KCNN2: variants seen among roughly 807,000 people sequenced by gnomAD.
The protein encoded by KCNN2 is potassium calcium-activated channel subfamily N member 2.
KCNN2 carries 24 observed loss-of-function variants against 55.5 expected under a neutral mutation model. The ratio of observed to expected loss-of-function variants is 0.43; its 90% CI spans 0.31 to 0.61. KCNN2 has a LOEUF of 0.61. Among genes scored for constraint, KCNN2 ranks in the 20% least tolerant of loss-of-function variants. The probability of loss-of-function intolerance (pLI) is 0.08; values close to 1 mark genes in which losing one functional copy is unlikely to be tolerated. For synonymous variants in KCNN2, 431 were observed against 336.1 expected (o/e 1.28, Z -3.09); for missense variants, 754 against 853.6 (o/e 0.88, Z 1.45).
intron 2 of KCNN2, among the ~76,000 whole-genome samples, chr5:114,386,392 G>A (rs574745880): frequency 1.3e-5 from 2 of 151,942 alleles, no homozygotes; most frequent in African/African-American, 4.8e-5. Context: ...GATATAAGCA[G>A]AAAAAACAAT....
chr5:114,072,725 A>G lies in KCNN2; in HGVS notation c.-271+16225A>G, dbSNP rs566759636. On this transcript the variant is annotated intron_variant, in intron 1 of 10. Coordinates refer to the KCNN2 transcript ENST00000512097. ...TAAACCGCTTGGGTTCCAATCCTGG[A>G]TCTACCACTAACTGGCCTTTTGGAC... Among the ~76,000 whole-genome samples the G allele has an allele frequency of 2.6e-5, 4 of 152,290 alleles. No individual in the cohort carries two copies. In the East Asian group the frequency reaches 7.7e-4, roughly 29 times the overall value.
chr5:114,303,666 G>C (rs1756212265), intron 2 of KCNN2, among the ~76,000 whole-genome samples: 1 of 152,060 alleles, frequency 6.6e-6, no homozygotes, highest in South Asian at 2.1e-4. Flanking sequence ...CATTGCAGTA[G>C]GTCCAGTAGC....
At chr5:114,210,236 C>G (rs1753855101) in intron 1 of KCNN2, among the ~76,000 whole-genome samples, 1 of 152,084 alleles carries the variant, frequency 6.6e-6, no homozygotes. Flanking sequence ...AAGCTTCATT[C>G]AGGCATGAGT....
At chr5:114,394,245 G>T (rs1758547249) in intron 2 of KCNN2, among the ~76,000 whole-genome samples, 1 of 152,074 alleles carries the variant, frequency 6.6e-6, no homozygotes, top group Admixed American at 6.6e-5. Context: ...GATTGAGGTT[G>T]GGCATTTGTT....
chr5:114,084,667 A>T (rs1750974872), intron 1 of KCNN2, among the ~76,000 whole-genome samples: 1 of 152,034 alleles, frequency 6.6e-6, no homozygotes, highest in Non-Finnish European at 1.5e-5. Flanking sequence ...TTTTAATTTT[A>T]ATGAAGTGCT....
intron 1 of KCNN2, among the ~76,000 whole-genome samples, chr5:114,210,267 T>C (rs913335584): frequency 2.0e-5 from 3 of 152,138 alleles, no homozygotes; most frequent in Non-Finnish European, 4.4e-5. Context: ...TTTTCTTGAG[T>C]TTAATGTTAA....
intron 1 of KCNN2, among the ~76,000 whole-genome samples, chr5:114,106,135 A>G (rs751844871): frequency 6.6e-6 from 1 of 151,806 alleles, no homozygotes; most frequent in Admixed American, 6.6e-5. Flanking sequence ...TGTACCCAAA[A>G]TCTGGTTTCT....
chr5:114,240,769 A>G (rs923113990), intron 2 of KCNN2, among the ~76,000 whole-genome samples: 22 of 152,182 alleles, frequency 1.4e-4, no homozygotes, highest in African/African-American at 5.3e-4. Context: ...ATACAGAGAT[A>G]GCTGCTTATC....
At chr5:114,260,458 T>C (rs950352945) in intron 2 of KCNN2, among the ~76,000 whole-genome samples, 1 of 152,220 alleles carries the variant, frequency 6.6e-6, no homozygotes, top group Non-Finnish European at 1.5e-5. Context: ...CAGGTCCAAG[T>C]CAGTATCTAC....
intron 2 of KCNN2, among the ~76,000 whole-genome samples, chr5:114,293,826 C>G (rs1404383254): frequency 7.2e-4 from 109 of 152,212 alleles, no homozygotes; most frequent in Non-Finnish European, 1.5e-3. Flanking sequence ...TGGTCCTGGA[C>G]TCTTTTTGGT....
chr5:114,375,952 GTATATATATATATATA>G (rs6149186), intron 2 of KCNN2, among the ~76,000 whole-genome samples: 5 of 104,722 alleles, frequency 4.8e-5, no homozygotes, highest in Non-Finnish European at 7.5e-5. Flanking sequence ...GACTCACAGT[GTATATATATATATATA>G]TATATATATG....
At chr5:114,087,320 C>T (rs974704462) in intron 1 of KCNN2, among the ~76,000 whole-genome samples, 4 of 152,026 alleles carry the variant, frequency 2.6e-5, no homozygotes, top group Non-Finnish European at 5.9e-5. Context: ...GTTGCAGTTG[C>T]TTTTGATGAC....
chr5:114,117,463 C>T (rs1246865705), intron 1 of KCNN2, among the ~76,000 whole-genome samples: 2 of 152,210 alleles, frequency 1.3e-5, no homozygotes, highest in Non-Finnish European at 2.9e-5. Context: ...GTAGTCAGCA[C>T]CAGTGCCTTG....
chr5:114,481,257 C>A (rs969708762), intron 5 of KCNN2, among the ~76,000 whole-genome samples: 1 of 151,962 alleles, frequency 6.6e-6, no homozygotes. Flanking sequence ...CAATTGCTAC[C>A]AAAGAATAAA....
intron 3 of KCNN2, among the ~76,000 whole-genome samples, chr5:114,456,070 A>C (rs1760915458): frequency 1.3e-5 from 2 of 152,196 alleles, no homozygotes; most frequent in South Asian, 4.1e-4. Context: ...TAAACAATAG[A>C]TTTTCAATGT....
chr5:114,217,928 G>C (rs1754039704), intron 1 of KCNN2, among the ~76,000 whole-genome samples: 1 of 152,070 alleles, frequency 6.6e-6, no homozygotes, highest in Non-Finnish European at 1.5e-5. Context: ...TTAAAAAAAT[G>C]GGCAAAAGAT....
intron 2 of KCNN2, among the ~76,000 whole-genome samples, chr5:114,355,937 T>C (rs1339538836): frequency 6.6e-6 from 1 of 152,108 alleles, no homozygotes; most frequent in Non-Finnish European, 1.5e-5. Flanking sequence ...TCTACATTTG[T>C]ATTATATCCT....
intron 2 of KCNN2, among the ~76,000 whole-genome samples, chr5:114,269,076 C>G (rs1475841780): frequency 6.6e-6 from 1 of 151,994 alleles, no homozygotes; most frequent in Non-Finnish European, 1.5e-5. Context: ...TTACATGATA[C>G]CACTTCACAC....
chr5:114,295,419 C>A (rs1438423604), intron 2 of KCNN2, among the ~76,000 whole-genome samples: 1 of 152,180 alleles, frequency 6.6e-6, no homozygotes, highest in Non-Finnish European at 1.5e-5. Context: ...ACCCCTCCCC[C>A]AGCCTCGCTG....
Sources: allele counts gnomAD v4.1 joint callset (sites outside exome capture counted in the v4.1 genomes callset), GRCh38; gene constraint gnomAD v4.1.1; transcripts MANE v1.5; gene names NCBI Gene and HGNC (gene_info 2026-07-23, HGNC 2026-07-21).